Variants in MYO5A observed in about 807,000 individuals in gnomAD.
The protein encoded by MYO5A is unconventional myosin-Va.
MYO5A carries 98 observed loss-of-function variants against 249.7 expected under a neutral mutation model. The observed-to-expected ratio is 0.39, with a 90% CI of 0.33 to 0.46. MYO5A has a LOEUF of 0.46. MYO5A is among the 20% of genes least tolerant of loss of function. The pLI is 0.98. For synonymous variants in MYO5A, 778 were observed against 810.6 expected (o/e 0.96, Z 0.68); for missense variants, 1,696 against 2,308.8 (o/e 0.73, Z 5.44).
chr15:52,395,695 A>G (rs2042457518), intron 11 of MYO5A, among the ~76,000 whole-genome samples: 1 of 152,196 alleles, frequency 6.6e-6, no homozygotes, highest in South Asian at 2.1e-4. Flanking sequence ...CTCCTAGATA[A>G]CTGACACAGG....
At chr15:52,440,016 CA>C (rs2075751934) in intron 1 of MYO5A, among the ~76,000 whole-genome samples, 1 of 152,150 alleles carries the variant, frequency 6.6e-6, no homozygotes, top group Admixed American at 6.5e-5. Context: ...TAATAGCTTG[CA>C]AGGAAAATAA....
Position 52,351,246 on chromosome 15 carries a change from G to C in MYO5A, c.3849+8C>G, listed in dbSNP as rs774314182. On this transcript the variant is annotated splice_region_variant and intron_variant, in intron 28 of 41. Transcript: ENST00000399233. The stretch of plus-strand genomic sequence containing the variant: ...GAACACCCAGTTTAATTGTGTGCTT[G>C]CGCTTACCTTGGGTTGGATGGCCTC... The C allele has an allele frequency of 1.9e-6, 3 of 1,612,028 alleles. No individual in the cohort carries two copies. The East Asian group carries it at 6.7e-5, about 36-fold the overall frequency.
At chr15:52,441,068 C>G (rs932830242) in intron 1 of MYO5A, among the ~76,000 whole-genome samples, 1 of 152,196 alleles carries the variant, frequency 6.6e-6, no homozygotes, top group African/African-American at 2.4e-5. Context: ...CCAGTACCCC[C>G]TCCTCTGAAA....
rs776134745 is a variant in MYO5A at position 52,323,361 on chromosome 15, T to C, written c.4794A>G (p.Gly1598=). 3.1e-6 allele frequency: 5 copies of C among 1,612,670 alleles called. No individual in the cohort carries two copies. Among genetic ancestry groups the C allele is most frequent in the Non-Finnish European group, 4.2e-6 (5 of 1,178,788 alleles). Residue 1598 remains glycine (G), a synonymous_variant, in exon 37 of 42, where the codon GGA becomes GGG. Coordinates refer to ENST00000399233, the MANE Select transcript of MYO5A (RefSeq NM_001382347.1). ...GTAATCAAGGTTTTCTCACCTCTTCTCCACTGTACTGTTTCAAGCAGTGCA... is the reference window on the plus strand; with the variant it reads ...GTAATCAAGGTTTTCTCACCTCTTCCCCACTGTACTGTTTCAAGCAGTGCA... ...RFLHCLKQYS[G]EEGFMKHNTS...
At chr15:52,466,080 C>A in intron 1 of MYO5A, among the ~76,000 whole-genome samples, 1 of 152,102 alleles carries the variant, frequency 6.6e-6, no homozygotes, top group East Asian at 1.9e-4. Context: ...ATCTAACATG[C>A]GGAGCAGCCA....
chr15:52,524,936 T>TACCATGGTG (rs1367083129), intron 1 of MYO5A, among the ~76,000 whole-genome samples: 1 of 151,506 alleles, frequency 6.6e-6, no homozygotes, highest in Admixed American at 6.6e-5. Context: ...ATAGCATGGA[T>TACCATGGTG]ACCATGGTGC....
At position 52,505,497 on chromosome 15, in the gene MYO5A, C is replaced by T. The variant is rs996414880; in HGVS notation, c.27+23283G>A. On this transcript the variant is annotated intron_variant, in intron 1 of 41. Transcript: ENST00000399233. ...GTAAAGATGATGATGACATTGATCT[C>T]TCTGGATCTGATGATGAGGAAGAAA... The T allele has an allele frequency of 3.4e-5, 42 of 1,242,106 alleles. No individual in the cohort carries two copies. In the Middle Eastern group the frequency reaches 5.7e-4, roughly 17 times the overall value. 76.9% of individuals were successfully genotyped at this position (1,242,106 alleles called of 1,614,324 possible). A position where few individuals can be genotyped will look rare whatever the true frequency, so the allele number is the denominator to read the frequency against.
At chr15:52,518,064 G>A (rs1211234903) in intron 1 of MYO5A, among the ~76,000 whole-genome samples, 1 of 151,898 alleles carries the variant, frequency 6.6e-6, no homozygotes, top group Non-Finnish European at 1.5e-5. Flanking sequence ...ACCCTAAGTT[G>A]AAGGCTTATC....
chr15:52,487,293 G>A (rs1025663938), intron 1 of MYO5A, among the ~76,000 whole-genome samples: 8 of 152,056 alleles, frequency 5.3e-5, no homozygotes, highest in African/African-American at 1.2e-4. Context: ...ACACACACCC[G>A]TAGTTCCAGC....
chr15:52,528,633 G>A, intron 1 of MYO5A, 147 bp downstream of exon 1: 1 of 927,944 alleles, frequency 1.1e-6, no homozygotes, highest in South Asian at 2.3e-5. Flanking sequence ...GCGACCGGCT[G>A]GTAGGGCCGA....
At chr15:52,429,779 T>G (rs980177872) in intron 2 of MYO5A, among the ~76,000 whole-genome samples, 5 of 152,196 alleles carry the variant, frequency 3.3e-5, no homozygotes, top group African/African-American at 1.2e-4. Flanking sequence ...ATTCAGTTAA[T>G]TTTTAATAGA....
chr15:52,342,181 C>A (rs932686004), intron 31 of MYO5A, among the ~76,000 whole-genome samples: 22 of 151,980 alleles, frequency 1.4e-4, no homozygotes, highest in Admixed American at 1.0e-3. Context: ...CCAAGTGAAA[C>A]CCTGTCTCTA....
At chr15:52,415,101 A>G in intron 5 of MYO5A, among the ~76,000 whole-genome samples, 1 of 152,248 alleles carries the variant, frequency 6.6e-6, no homozygotes, top group East Asian at 1.9e-4. Flanking sequence ...AGCACCGCAA[A>G]CCAAGCACAA....
intron 34 of MYO5A, among the ~76,000 whole-genome samples, chr15:52,334,441 A>G (rs1222699365): frequency 6.6e-6 from 1 of 152,226 alleles, no homozygotes; most frequent in Admixed American, 6.5e-5. Flanking sequence ...GCTAATAGAC[A>G]TTATAGCTCA....
chr15:52,501,468 G>A (rs1447118252), intron 1 of MYO5A, among the ~76,000 whole-genome samples: 1 of 152,078 alleles, frequency 6.6e-6, no homozygotes, highest in East Asian at 1.9e-4. Flanking sequence ...GGGCGTGGTG[G>A]TGTGTCTGTA....
intron 5 of MYO5A, among the ~76,000 whole-genome samples, chr15:52,412,965 C>T (rs113566515): frequency 4.6e-5 from 7 of 151,914 alleles, no homozygotes; most frequent in Non-Finnish European, 8.8e-5. Flanking sequence ...CTGACCAACA[C>T]GGTGAAACCC....
intron 1 of MYO5A, among the ~76,000 whole-genome samples, chr15:52,474,846 T>C (rs2076556780): frequency 1.3e-5 from 2 of 152,084 alleles, no homozygotes; most frequent in African/African-American, 2.4e-5. Flanking sequence ...TGGCCTAAAA[T>C]TCTTTTTTTG....
At chr15:52,423,547 G>T (rs1261360747) in intron 4 of MYO5A, among the ~76,000 whole-genome samples, 1 of 104,210 alleles carries the variant, frequency 9.6e-6, no homozygotes, top group African/African-American at 4.2e-5. Flanking sequence ...GCAAGACTCC[G>T]TCTTAAAAAA....
At chr15:52,354,656 C>G (rs1023372027) in intron 25 of MYO5A, among the ~76,000 whole-genome samples, 7 of 152,090 alleles carry the variant, frequency 4.6e-5, no homozygotes, top group Admixed American at 6.5e-5. Flanking sequence ...GAGTTCAAGA[C>G]CAGCCTGACC....
Sources: allele counts gnomAD v4.1 joint callset (sites outside exome capture counted in the v4.1 genomes callset), GRCh38; gene constraint gnomAD v4.1.1; transcripts MANE v1.5; gene names NCBI Gene and HGNC (gene_info 2026-07-23, HGNC 2026-07-21).